The following EHMT1 variants were observed in gnomAD, a reference collection of about 807,000 sequenced individuals.
EHMT1 encodes the protein euchromatic histone lysine methyltransferase 1.
Under a neutral mutation model 147.2 loss-of-function variants are expected in EHMT1, and 15 were observed. The ratio of observed to expected loss-of-function variants is 0.10; its 90% CI spans 0.07 to 0.16. EHMT1 has a LOEUF of 0.16. EHMT1 is among the 10% of genes least tolerant of loss of function. The pLI, the probability that EHMT1 is intolerant of heterozygous loss-of-function variation, is 1.00. For missense variants in EHMT1, 1,587 were observed against 1,772.4 expected, an observed-to-expected ratio of 0.90 and a Z score of 1.88; for synonymous variants, 795 against 709.6, an observed-to-expected ratio of 1.12 and a Z score of -1.91.
At chr9:137,750,379 A>C (rs1948869802) in intron 6 of EHMT1, among the ~76,000 whole-genome samples, 1 of 152,264 alleles carries the variant, frequency 6.6e-6, no homozygotes, top group African/African-American at 2.4e-5. Context: ...GATCTTTAAA[A>C]GATAAGGACT....
chr9:137,623,909 CG>C (rs1049509970), intron 1 of EHMT1, among the ~76,000 whole-genome samples: 1 of 151,946 alleles, frequency 6.6e-6, no homozygotes, highest in African/African-American at 2.4e-5. Flanking sequence ...CTTGACCTCC[CG>C]GGCTGAAGTA....
chr9:137,666,496 C>G (rs1939663598), intron 1 of EHMT1, among the ~76,000 whole-genome samples: 1 of 152,192 alleles, frequency 6.6e-6, no homozygotes, highest in Non-Finnish European at 1.5e-5. Flanking sequence ...GATGACACTG[C>G]CAGGTGAGCA....
At chr9:137,788,429 T>C (rs10867068) in intron 15 of EHMT1, 67,153 of 209,610 alleles carry the variant, frequency 0.32, 11,258 homozygotes, top group Admixed American at 0.43. Flanking sequence ...TTAGGGATCT[T>C]GTAGGTGAAA....
rs541383643 is a variant in EHMT1, at chr9:137,678,552, C to T, written c.22-32415C>T. Among the ~76,000 whole-genome samples, 32 of 152,264 alleles carry T rather than the reference C, an allele frequency of 2.1e-4. No homozygotes were observed. In the South Asian group the frequency reaches 6.6e-3, roughly 32 times the overall value. ...TTCCTGTCTCGCCGCGTTGGGATAG[C>T]CTCACTCACCTGGGATGATACCTTC... On this transcript the variant is annotated intron_variant, in intron 1 of 26. Transcript: ENST00000460843.
At chr9:137,659,449 TC>T (rs896976378) in intron 1 of EHMT1, among the ~76,000 whole-genome samples, 6 of 152,154 alleles carry the variant, frequency 3.9e-5, no homozygotes, top group African/African-American at 1.4e-4. Flanking sequence ...CTTGCTATGT[TC>T]CCCAGGCTGG....
chr9:137,814,389 C>A (rs373739402), intron 21 of EHMT1, 42 bp from the exon 22 acceptor site: 2 of 1,598,904 alleles, frequency 1.3e-6, no homozygotes, highest in Non-Finnish European at 1.7e-6. Context: ...AAATGGAAGG[C>A]CTGTGCCTGC....
chr9:137,710,741 C>G (rs965910856), intron 1 of EHMT1, among the ~76,000 whole-genome samples: 1 of 152,134 alleles, frequency 6.6e-6, no homozygotes, highest in African/African-American at 2.4e-5. Flanking sequence ...TGTTAAGAAA[C>G]TGTCTTCAAA....
intron 18 of EHMT1, among the ~76,000 whole-genome samples, chr9:137,805,074 A>C (rs1031706749): frequency 6.6e-6 from 1 of 150,814 alleles, no homozygotes; most frequent in African/African-American, 2.5e-5. Flanking sequence ...CATGTCTGTC[A>C]GTCGTCCACA....
rs1050807048 is a variant in EHMT1 at position 137,622,013 on chromosome 9, G to A, written c.21+2964G>A. On this transcript the variant is annotated intron_variant, in intron 1 of 26. Transcript: ENST00000460843. Reference sequence around the variant, plus strand: ...AAGTTTTAGGGTACATGTGCACAACGTGCAGGTTTGTTACATATGTATACA... The same window carrying A: ...AAGTTTTAGGGTACATGTGCACAACATGCAGGTTTGTTACATATGTATACA... 3.3e-5 allele frequency among the ~76,000 whole-genome samples: 5 copies of A among 149,488 alleles called. No homozygotes were observed. In the East Asian group the frequency reaches 9.8e-4, roughly 29 times the overall value.
chr9:137,717,301 C>T, intron 3 of EHMT1, 119 bp downstream of exon 3: 1 of 1,325,864 alleles, frequency 7.5e-7, no homozygotes, highest in Non-Finnish European at 1.0e-6. Context: ...TCCGACAGGG[C>T]CTATGAGGAG....
chr9:137,820,890 T>C (rs1955359022), intron 25 of EHMT1, among the ~76,000 whole-genome samples: 1 of 152,246 alleles, frequency 6.6e-6, no homozygotes, highest in Non-Finnish European at 1.5e-5. Flanking sequence ...TGTTTTGTTT[T>C]GTTTTGAGAC....
chr9:137,714,555 ATTTT>A (rs35445261), intron 2 of EHMT1, among the ~76,000 whole-genome samples: 1 of 84,216 alleles, frequency 1.2e-5, no homozygotes, highest in Non-Finnish European at 2.4e-5. Flanking sequence ...CAGTTTGCTC[ATTTT>A]TTTTTTTTTT....
intron 1 of EHMT1, among the ~76,000 whole-genome samples, chr9:137,684,189 C>T (rs564140310): frequency 2.6e-5 from 4 of 151,926 alleles, no homozygotes; most frequent in Admixed American, 1.3e-4. Context: ...CATGCCACCA[C>T]GCCTGGCTAA....
chr9:137,738,154 A>G (rs2135953402), intron 4 of EHMT1, among the ~76,000 whole-genome samples: 1 of 151,982 alleles, frequency 6.6e-6, no homozygotes, highest in South Asian at 2.1e-4. Flanking sequence ...AGATCGGACC[A>G]CTGCACTCCA....
intron 18 of EHMT1, among the ~76,000 whole-genome samples, chr9:137,803,851 A>G (rs1420632442): frequency 6.6e-6 from 1 of 152,006 alleles, no homozygotes; most frequent in Non-Finnish European, 1.5e-5. Flanking sequence ...AAAAAAAAAA[A>G]AAACCTGCCA....
chr9:137,641,754 G>A (rs1393740259), intron 1 of EHMT1, among the ~76,000 whole-genome samples: 1 of 152,166 alleles, frequency 6.6e-6, no homozygotes, highest in African/African-American at 2.4e-5. Context: ...GTGTTTGGGG[G>A]TCATTCCGGG....
chr9:137,641,276 A>G (rs1401295336), intron 1 of EHMT1: 1 of 434,670 alleles, frequency 2.3e-6, no homozygotes, highest in South Asian at 1.8e-5. Context: ...CCAGATTTCC[A>G]TTTGATTTCC....
chr9:137,721,325 C>T (rs1945980630), intron 3 of EHMT1, among the ~76,000 whole-genome samples: 1 of 90,494 alleles, frequency 1.1e-5, no homozygotes, highest in African/African-American at 4.2e-5. Flanking sequence ...CACACTCACC[C>T]CTCCCAGACT....
At chr9:137,621,465 G>A (rs905246494) in intron 1 of EHMT1, among the ~76,000 whole-genome samples, 2 of 152,182 alleles carry the variant, frequency 1.3e-5, no homozygotes. Context: ...AGGAAGCCGA[G>A]GTGGGCGGAT....
Sources: allele counts gnomAD v4.1 joint callset (sites outside exome capture counted in the v4.1 genomes callset), GRCh38; gene constraint gnomAD v4.1.1; transcripts MANE v1.5; gene names NCBI Gene and HGNC (gene_info 2026-07-23, HGNC 2026-07-21).